SGK1: variants seen among roughly 807,000 people sequenced by gnomAD.
The protein encoded by SGK1 is serum/glucocorticoid regulated kinase 1, also known as serine/threonine-protein kinase Sgk1.
Under a neutral mutation model 64.2 loss-of-function variants are expected in SGK1, and 26 were observed. The observed-to-expected ratio is 0.40, with a 90% CI of 0.30 to 0.56. The LOEUF is 0.56. Ranked by LOEUF, SGK1 falls within the 20% of genes least tolerant of loss-of-function variation. The pLI is 0.38. For synonymous variants in SGK1, 265 were observed against 239.7 expected (o/e 1.11, Z -0.98); for missense variants, 519 against 645.6 (o/e 0.80, Z 2.12).
intron 2 of SGK1, among the ~76,000 whole-genome samples, chr6:134,231,498 C>T (rs773759169): frequency 6.6e-6 from 1 of 152,160 alleles, no homozygotes; most frequent in Non-Finnish European, 1.5e-5. Context: ...AGGTTGCTCA[C>T]TGTATTTTCA....
At chr6:134,197,774 T>G (rs1025828856) in intron 3 of SGK1, among the ~76,000 whole-genome samples, 11 of 151,082 alleles carry the variant, frequency 7.3e-5, no homozygotes, top group Non-Finnish European at 1.5e-4. Context: ...TGCAGTGAAC[T>G]GAGATCGCGC....
intron 1 of SGK1, among the ~76,000 whole-genome samples, chr6:134,285,303 C>T (rs1777165123): frequency 6.6e-6 from 1 of 151,930 alleles, no homozygotes; most frequent in African/African-American, 2.4e-5. Context: ...ATGTTGAAAC[C>T]CCATCTTTAC....
At chr6:134,261,895 T>G (rs757920037) in intron 2 of SGK1, 38 bp downstream of exon 2, 3 of 1,493,686 alleles carry the variant, frequency 2.0e-6, no homozygotes, top group Admixed American at 3.3e-5. Context: ...GCCCAGAATT[T>G]TTCCAGGAGA....
chr6:134,268,596 G>A (rs891298867), intron 1 of SGK1, among the ~76,000 whole-genome samples: 1 of 145,802 alleles, frequency 6.9e-6, no homozygotes, highest in African/African-American at 2.5e-5. Flanking sequence ...AGTGGAGGGT[G>A]CCTGTAGTCC....
intron 1 of SGK1, among the ~76,000 whole-genome samples, chr6:134,291,241 C>T (rs1777258993): frequency 6.6e-6 from 1 of 152,150 alleles, no homozygotes; most frequent in South Asian, 2.1e-4. Context: ...GGCCTCCTTA[C>T]TGTAGCAGAG....
Position 134,207,420 on chromosome 6 carries a change from T to C in SGK1, c.297A>G (p.Pro99=), listed in dbSNP as rs1271842636. The stretch of plus-strand genomic sequence containing the variant: ...TGGTCAGGATGTTGGCATGATTACA[T>C]GGCTCTCTCACCTTTAAAACATAAA... ...ETQSGCEVRE[P]CNHANILTKP... The change falls in exon 3 of 14, where the codon CCA becomes CCG. Residue 99 remains proline (P), a synonymous_variant. Coordinates refer to ENST00000367858, the MANE Select transcript of SGK1 (RefSeq NM_001143676.3). 6.2e-7 allele frequency: 1 copy of C among 1,609,676 alleles called. No individual in the cohort carries two copies. Among genetic ancestry groups the C allele is most frequent in the Admixed American group, 1.7e-5 (1 of 59,956 alleles).
At chr6:134,208,165 G>A (rs1230432457) in intron 2 of SGK1, among the ~76,000 whole-genome samples, 2 of 152,052 alleles carry the variant, frequency 1.3e-5, no homozygotes, top group Non-Finnish European at 2.9e-5. Flanking sequence ...GCCCACCTCG[G>A]CCTCTCAAAG....
In SGK1 at chr6:134,169,555, C is replaced by G. The variant is rs1774939627; in HGVS notation, c.*713G>C. The G allele has an allele frequency of 6.6e-6, 1 of 152,324 alleles. No homozygotes were observed. Among genetic ancestry groups the G allele is most frequent in the South Asian group, 2.1e-4 (1 of 4,822 alleles). The allele number at this position is 152,324 out of a possible 1,614,324, so 9.4% of individuals were successfully genotyped here. ...AAACACCAACGGCTCTGACTGACAA[C>G]TGGGGCATTGGTCCATAAAAACCCT... On this transcript the variant is annotated 3_prime_UTR_variant, in exon 14 of 14. Coordinates refer to ENST00000367858, the MANE Select transcript of SGK1 (RefSeq NM_001143676.3).
chr6:134,248,006 G>A (rs1248583929), intron 2 of SGK1, among the ~76,000 whole-genome samples: 8 of 151,632 alleles, frequency 5.3e-5, no homozygotes, highest in Admixed American at 1.3e-4. Flanking sequence ...TTTGATAAAC[G>A]GCCAAGTTCT....
intron 1 of SGK1, among the ~76,000 whole-genome samples, chr6:134,291,186 G>A (rs971646577): frequency 6.6e-6 from 1 of 152,124 alleles, no homozygotes; most frequent in Non-Finnish European, 1.5e-5. Context: ...GCAGTGAAGC[G>A]CCCTGTTAGG....
chr6:134,173,531 C>T lies in SGK1; in HGVS notation c.549G>A (p.Ser183=), dbSNP rs1250956122. The T allele has an allele frequency of 4.3e-6, 7 of 1,610,438 alleles. No individual in the cohort carries two copies. The highest frequency in any genetic ancestry group is 3.3e-4 in the Middle Eastern group (2 of 6,046). Residue 183 remains serine, a synonymous_variant, in exon 6 of 14, where the codon TCG becomes TCA. Coordinates refer to ENST00000367858, the MANE Select transcript of SGK1 (RefSeq NM_001143676.3). Reference sequence around the variant, plus strand: ...CAGATGGTTTAGCATGAGGATTGGACGACGGGCCAAGGTTGATTTGCTGAG... The same window carrying T: ...CAGATGGTTTAGCATGAGGATTGGATGACGGGCCAAGGTTGATTTGCTGAG... ...SPSQQINLGP[S]SNPHAKPSDF...
chr6:134,277,289 T>C (rs376332600), intron 1 of SGK1, among the ~76,000 whole-genome samples: 1 of 151,964 alleles, frequency 6.6e-6, no homozygotes, highest in South Asian at 2.1e-4. Flanking sequence ...ACCACTGCAC[T>C]CCAGCCTGGG....
intron 2 of SGK1, among the ~76,000 whole-genome samples, chr6:134,232,336 G>A (rs1164819434): frequency 4.0e-5 from 6 of 150,884 alleles, no homozygotes; most frequent in African/African-American, 1.5e-4. Flanking sequence ...AGTGAGCCAG[G>A]ATCTCACCAC....
intron 1 of SGK1, among the ~76,000 whole-genome samples, chr6:134,314,021 A>G (rs1000180293): frequency 2.0e-5 from 3 of 152,256 alleles, no homozygotes; most frequent in Non-Finnish European, 2.9e-5. Flanking sequence ...AGAGTAAAAT[A>G]TAATCCATAT....
At chr6:134,176,401 A>AGGC (rs1268488596) in intron 3 of SGK1, among the ~76,000 whole-genome samples, 1 of 152,198 alleles carries the variant, frequency 6.6e-6, no homozygotes, top group African/African-American at 2.4e-5. Flanking sequence ...GGGAAGCTCG[A>AGGC]GGCGGCGGCC....
intron 1 of SGK1, among the ~76,000 whole-genome samples, chr6:134,279,981 C>T (rs1777069686): frequency 1.3e-5 from 2 of 151,930 alleles, no homozygotes; most frequent in Non-Finnish European, 2.9e-5. Flanking sequence ...TTTCTTGAGG[C>T]CAAGAGGTCG....
At chr6:134,285,167 G>A (rs1218371205) in intron 1 of SGK1, among the ~76,000 whole-genome samples, 3 of 151,818 alleles carry the variant, frequency 2.0e-5, no homozygotes, top group East Asian at 1.9e-4. Flanking sequence ...GTGTAAAAGT[G>A]CTCCCTTTTG....
chr6:134,197,017 G>A (rs1375672778), intron 3 of SGK1, among the ~76,000 whole-genome samples: 1 of 152,164 alleles, frequency 6.6e-6, no homozygotes, highest in Non-Finnish European at 1.5e-5. Flanking sequence ...CAGATCACTT[G>A]AGCTTAGGAG....
At position 134,261,711 on chromosome 6, in the gene SGK1, T is replaced by G. The variant is rs1159496181; in HGVS notation, c.285+222A>C. 3 of 612,618 alleles carry G rather than the reference T, an allele frequency of 4.9e-6. No individual in the cohort carries two copies. In the African/African-American group the frequency reaches 5.5e-5, roughly 11 times the overall value. The allele number at this position is 612,618 out of a possible 1,614,324, so 37.9% of individuals were successfully genotyped here. A position where few individuals can be genotyped will look rare whatever the true frequency, so the allele number is the denominator to read the frequency against. On this transcript the variant is annotated intron_variant, in intron 2 of 13. Transcript: ENST00000367858. ...GTATATGGGTAATCTCTGTACCTTC[T>G]GCTCAATGTTGCTGTGAACTTAAAG...
Sources: allele counts gnomAD v4.1 joint callset (sites outside exome capture counted in the v4.1 genomes callset), GRCh38; gene constraint gnomAD v4.1.1; transcripts MANE v1.5; gene names NCBI Gene and HGNC (gene_info 2026-07-23, HGNC 2026-07-21).